ZDHHC15: variants seen among roughly 807,000 people sequenced by gnomAD.
ZDHHC15 encodes zDHHC palmitoyltransferase 15.
A neutral mutation model predicts 31.7 loss-of-function variants in ZDHHC15; 19 were observed. The observed-to-expected ratio is 0.60, with a 90% CI of 0.42 to 0.88. The LOEUF is 0.88. ZDHHC15 is among the 40% of genes least tolerant of loss of function. ZDHHC15 has a pLI of 0.00. For synonymous variants in ZDHHC15, 103 were observed against 90.0 expected, an observed-to-expected ratio of 1.14 and a Z score of -0.82; for missense variants, 209 against 251.2, an observed-to-expected ratio of 0.83 and a Z score of 1.14.
intron 3 of ZDHHC15, among the ~76,000 whole-genome samples, chrX:75,461,097 C>A (rs905157606): frequency 2.7e-5 from 3 of 111,683 alleles, no homozygotes; most frequent in African/African-American, 6.5e-5. Flanking sequence ...GGAATATAAC[C>A]GACATGACGG....
At chrX:75,450,726 T>A in intron 4 of ZDHHC15, 76 bp downstream of exon 4, 2 of 1,207,960 alleles carry the variant, frequency 1.7e-6, no homozygotes, top group Non-Finnish European at 2.2e-6. Flanking sequence ...AAAGGGCTAG[T>A]TTGAGAACAT....
intron 3 of ZDHHC15, among the ~76,000 whole-genome samples, chrX:75,454,660 T>C (rs747332982): frequency 3.0e-4 from 34 of 111,804 alleles, no homozygotes; most frequent in Non-Finnish European, 5.1e-4. Flanking sequence ...ATTGTGGTTT[T>C]GATTTGGGAC....
intron 1 of ZDHHC15, among the ~76,000 whole-genome samples, chrX:75,518,789 A>ATG (rs2085400869): frequency 3.9e-5 from 1 of 25,359 alleles, no homozygotes; most frequent in Admixed American, 9.1e-4. Context: ...ATATATATAT[A>ATG]TATATATATA....
intron 1 of ZDHHC15, among the ~76,000 whole-genome samples, chrX:75,514,197 T>C (rs990334369): frequency 1.8e-5 from 2 of 112,584 alleles, no homozygotes; most frequent in Non-Finnish European, 3.8e-5. Flanking sequence ...TGGTAAACTA[T>C]ACAGGTAGCT....
chrX:75,424,902 T>A, intron 7 of ZDHHC15, 118 bp from the exon 8 acceptor site: 1 of 802,380 alleles, frequency 1.2e-6, no homozygotes, highest in South Asian at 4.0e-5. Flanking sequence ...ATTTAAAAAA[T>A]AGATTCTGTA....
chrX:75,481,708 C>T (rs2084691526), intron 2 of ZDHHC15, among the ~76,000 whole-genome samples: 1 of 111,677 alleles, frequency 9.0e-6, no homozygotes, highest in Non-Finnish European at 1.9e-5. Flanking sequence ...GTGATTTGAT[C>T]AGAATTACCC....
intron 4 of ZDHHC15, among the ~76,000 whole-genome samples, chrX:75,443,212 C>T (rs754464285): frequency 9.1e-6 from 1 of 109,951 alleles, no homozygotes; most frequent in African/African-American, 3.3e-5. Context: ...ACTTCAAACT[C>T]TACTACAAGG....
At chrX:75,446,347 G>A (rs1422204907) in intron 4 of ZDHHC15, among the ~76,000 whole-genome samples, 2 of 111,224 alleles carry the variant, frequency 1.8e-5, no homozygotes. Flanking sequence ...TTAATGTTGA[G>A]GGGAGGATTC....
intron 2 of ZDHHC15, among the ~76,000 whole-genome samples, chrX:75,488,818 C>T (rs1048514099): frequency 8.9e-6 from 1 of 112,236 alleles, no homozygotes; most frequent in Non-Finnish European, 1.9e-5. Context: ...CTAGGAAGCA[C>T]AAGGGGTCAG....
At chrX:75,495,211 C>A (rs1461722925) in intron 2 of ZDHHC15, among the ~76,000 whole-genome samples, 1 of 111,925 alleles carries the variant, frequency 8.9e-6, no homozygotes, top group East Asian at 2.8e-4. Flanking sequence ...CAGAGAAATG[C>A]AAATCAAAAC....
At chrX:75,392,820 A>G (rs2083261237) in intron 10 of ZDHHC15, among the ~76,000 whole-genome samples, 1 of 111,791 alleles carries the variant, frequency 8.9e-6, no homozygotes, top group East Asian at 2.8e-4. Flanking sequence ...CATGACAATT[A>G]CAGTCTTCAT....
chrX:75,430,371 A>G (rs1172139860), intron 5 of ZDHHC15, among the ~76,000 whole-genome samples: 1 of 111,965 alleles, frequency 8.9e-6, no homozygotes, highest in African/African-American at 3.2e-5. Flanking sequence ...TATGGGTGGA[A>G]TAAGTACTCA....
Position 75,369,083 on chromosome X carries a change from C to T in ZDHHC15, c.*3895G>A, listed in dbSNP as rs2082982933. The T allele has an allele frequency of 8.9e-6, 1 of 111,763 alleles. No homozygotes were observed. Among genetic ancestry groups the T allele is most frequent in the Non-Finnish European group, 1.9e-5 (1 of 53,184 alleles). 9.2% of individuals were successfully genotyped at this position (111,763 alleles called of 1,213,427 possible). Reference sequence around the variant, plus strand: ...AATTTTCTAAGAATATGGATCTTGTCCAAGGGCCTGACAATCTCATTAGAT... The same window carrying T: ...AATTTTCTAAGAATATGGATCTTGTTCAAGGGCCTGACAATCTCATTAGAT... On this transcript the variant is annotated 3_prime_UTR_variant, in exon 12 of 12. Transcript: ENST00000373367.
chrX:75,449,201 TACACACACACAC>T (rs3075226), intron 4 of ZDHHC15, among the ~76,000 whole-genome samples: 32,631 of 76,193 alleles, frequency 0.43, 5,956 homozygotes, highest in Non-Finnish European at 0.52. Flanking sequence ...TCTCTCTCTA[TACACACACACAC>T]ACACACACAC....
At chrX:75,405,655 G>A in intron 10 of ZDHHC15, among the ~76,000 whole-genome samples, 1 of 111,953 alleles carries the variant, frequency 8.9e-6, no homozygotes, top group African/African-American at 3.2e-5. Flanking sequence ...CAGGAGTACT[G>A]AAGTATATAA....
intron 11 of ZDHHC15, among the ~76,000 whole-genome samples, chrX:75,374,227 G>T (rs2083033848): frequency 1.8e-5 from 2 of 109,253 alleles, no homozygotes; most frequent in Non-Finnish European, 3.8e-5. Flanking sequence ...ACCGGGGCCT[G>T]TCGGGGGCTG....
chrX:75,503,833 T>A (rs1214134318), intron 2 of ZDHHC15, among the ~76,000 whole-genome samples: 1 of 111,298 alleles, frequency 9.0e-6, no homozygotes, highest in African/African-American at 3.3e-5. Flanking sequence ...GAAATCAAGG[T>A]GTAGGCAGGG....
intron 4 of ZDHHC15, among the ~76,000 whole-genome samples, chrX:75,438,874 T>G (rs2083899981): frequency 8.9e-6 from 1 of 112,284 alleles, no homozygotes; most frequent in African/African-American, 3.2e-5. Context: ...TCTCAGCATT[T>G]TTTTGTCTAA....
At chrX:75,384,446 A>G in intron 10 of ZDHHC15, 1 of 883,040 alleles carries the variant, frequency 1.1e-6, no homozygotes. Context: ...ATGCAAATCT[A>G]TAAGAAAGGT....
Sources: gnomAD v4.1 joint callset for allele counts (sites outside exome capture counted in the v4.1 genomes callset) on GRCh38, gnomAD v4.1.1 for gene constraint, MANE v1.5 for transcripts, NCBI Gene and HGNC (gene_info 2026-07-23, HGNC 2026-07-21) for gene names.